NPEPPS: variants seen among roughly 807,000 people sequenced by gnomAD.
NPEPPS encodes the protein puromycin-sensitive aminopeptidase.
NPEPPS carries 14 observed loss-of-function variants against 115.5 expected under a neutral mutation model. That is an observed-to-expected ratio of 0.12 (90% confidence interval 0.08 to 0.19). The LOEUF is 0.19. Ranked by LOEUF, NPEPPS falls within the 10% of genes least tolerant of loss-of-function variation. The pLI is 1.00. For synonymous variants in NPEPPS, 285 were observed against 390.6 expected, an observed-to-expected ratio of 0.73 and a Z score of 3.19; for missense variants, 523 against 1,110.8, an observed-to-expected ratio of 0.47 and a Z score of 7.52.
chr17:47,548,943 G>A (rs1360906282), intron 2 of NPEPPS, among the ~76,000 whole-genome samples: 2 of 152,164 alleles, frequency 1.3e-5, no homozygotes, highest in Non-Finnish European at 2.9e-5. Context: ...TCTCACGGAA[G>A]CCCAGTTAGT....
intron 19 of NPEPPS, among the ~76,000 whole-genome samples, chr17:47,616,162 G>A (rs892449788): frequency 1.3e-5 from 2 of 152,100 alleles, no homozygotes; most frequent in African/African-American, 4.8e-5. Flanking sequence ...AGACCCAGAG[G>A]GATGAAGGAC....
chr17:47,559,786 G>A lies in NPEPPS; in HGVS notation c.341-9631G>A, dbSNP rs1345038310. The A allele has an allele frequency of 9.8e-6, 4 of 408,300 alleles. No homozygotes were observed. In the East Asian group the frequency reaches 2.8e-4, roughly 29 times the overall value. 25.3% of individuals were successfully genotyped at this position (408,300 alleles called of 1,614,324 possible). A position where few individuals can be genotyped will look rare whatever the true frequency, so the allele number is the denominator to read the frequency against. ...TTGTCTTGTCTTTTCTCTTCTAATA[G>A]AGATAGAGTCTCACTGTGCTACCTA... is the stretch of plus-strand genomic sequence containing the variant. On this transcript the variant is annotated intron_variant, in intron 2 of 22. Coordinates refer to ENST00000322157, the MANE Select transcript of NPEPPS (RefSeq NM_006310.4).
rs79264845 is a variant in NPEPPS, at chr17:47,599,137, C to T, written c.1537-539C>T. Among the ~76,000 whole-genome samples, 90 of 152,228 alleles carry T rather than the reference C, an allele frequency of 5.9e-4. 1 individual carries two copies. The East Asian group carries it at 0.017, about 29-fold the overall frequency. On this transcript the variant is annotated intron_variant, in intron 13 of 22. Coordinates refer to ENST00000322157, the MANE Select transcript of NPEPPS (RefSeq NM_006310.4). ...TTCCCCAAATTTAAATATTTTTGCTCTAATTCTGAATCAATGTAAAAGGTT... is the reference window on the plus strand; with the variant it reads ...TTCCCCAAATTTAAATATTTTTGCTTTAATTCTGAATCAATGTAAAAGGTT...
intron 1 of NPEPPS, among the ~76,000 whole-genome samples, chr17:47,540,394 T>A (rs1908661482): frequency 6.6e-6 from 1 of 152,106 alleles, no homozygotes; most frequent in South Asian, 2.1e-4. Context: ...TTATTACCTG[T>A]TTTTTTGATA....
At chr17:47,552,574 A>G (rs1909726658) in intron 2 of NPEPPS, among the ~76,000 whole-genome samples, 1 of 152,220 alleles carries the variant, frequency 6.6e-6, no homozygotes, top group South Asian at 2.1e-4. Flanking sequence ...TATACAAAGT[A>G]TATGAGTGTA....
rs766544766 is a variant in NPEPPS, at chr17:47,590,838, G to A, written c.1217G>A (p.Arg406His). ...WTQFVSADYT[R>H]AQELDALDNS... The stretch of plus-strand genomic sequence containing the variant: ...CAGTTTGTTTCTGCTGATTACACCC[G>A]TGCCCAGGAGCTTGACGCCTTAGAT... The change falls in exon 10 of 23, where the codon CGT becomes CAT. Residue 406 changes from arginine to histidine, a missense_variant. Arg to His is a conservative substitution (Grantham distance 29, BLOSUM62 0). Coordinates refer to ENST00000322157, the MANE Select transcript of NPEPPS (RefSeq NM_006310.4). The A allele has an allele frequency of 1.9e-5, 31 of 1,604,094 alleles. No homozygotes were observed. Among genetic ancestry groups the A allele is most frequent in the Non-Finnish European group, 2.6e-5 (30 of 1,172,894 alleles).
chr17:47,547,819 G>T (rs919344647), intron 2 of NPEPPS, among the ~76,000 whole-genome samples: 8 of 152,124 alleles, frequency 5.3e-5, no homozygotes, highest in Admixed American at 5.2e-4. Context: ...AAGGTCAGGA[G>T]ATCGAGACCA....
rs1290970149 is a variant in NPEPPS at position 47,585,601 on chromosome 17, G to A, written c.750G>A (p.Val250=). Residue 250 remains valine, a synonymous_variant, in exon 6 of 23, where the codon GTG becomes GTA. Coordinates refer to ENST00000322157, the MANE Select transcript of NPEPPS (RefSeq NM_006310.4). ...VMSTYLVAFV[V]GEYDFVETRS... ...CTACATATCTGGTGGCATTTGTTGT[G>A]GGTGAATATGACTTTGTAGAAACAA... is the stretch of plus-strand genomic sequence containing the variant. 1.2e-6 allele frequency: 2 copies of A among 1,613,780 alleles called. No homozygotes were observed. Among genetic ancestry groups the A allele is most frequent in the Non-Finnish European group, 1.7e-6 (2 of 1,179,824 alleles).
intron 2 of NPEPPS, among the ~76,000 whole-genome samples, chr17:47,564,353 G>C (rs562804993): frequency 6.6e-6 from 1 of 152,190 alleles, no homozygotes; most frequent in South Asian, 2.1e-4. Flanking sequence ...GGACAACATA[G>C]TGAGACCCTT....
rs182085880 is a variant in NPEPPS at position 47,595,428 on chromosome 17, T to A, written c.1427-925T>A. ...ACGGTCTTAAGTTTGTCAGTGATTG[T>A]TTAGTAGTGATCTTGAACACATTTC... On this transcript the variant is annotated intron_variant, in intron 12 of 22. Transcript: ENST00000322157. Among the ~76,000 whole-genome samples the A allele has an allele frequency of 7.8e-4, 119 of 152,340 alleles. 1 individual carries two copies. Among genetic ancestry groups the A allele is most frequent in the Non-Finnish European group, 3.2e-4 (22 of 68,028 alleles).
intron 5 of NPEPPS, among the ~76,000 whole-genome samples, chr17:47,584,384 A>G (rs1009360568): frequency 6.6e-6 from 1 of 152,158 alleles, no homozygotes; most frequent in African/African-American, 2.4e-5. Flanking sequence ...TATTGATCTC[A>G]TTCATGAACA....
At chr17:47,588,802 C>T (rs1318189695) in intron 9 of NPEPPS, among the ~76,000 whole-genome samples, 3 of 152,016 alleles carry the variant, frequency 2.0e-5, no homozygotes, top group Non-Finnish European at 4.4e-5. Flanking sequence ...TGTAACTATT[C>T]TAGTTATTAG....
At chr17:47,555,063 G>T (rs1909909270) in intron 2 of NPEPPS, among the ~76,000 whole-genome samples, 1 of 152,072 alleles carries the variant, frequency 6.6e-6, no homozygotes, top group Admixed American at 6.6e-5. Context: ...AGATAAGGGG[G>T]GACTTGTCAG....
intron 2 of NPEPPS, among the ~76,000 whole-genome samples, chr17:47,559,016 C>T (rs1484561804): frequency 1.4e-5 from 2 of 146,780 alleles, no homozygotes; most frequent in Non-Finnish European, 3.0e-5. Flanking sequence ...CCAGCCTGGA[C>T]AACAGAGCGA....
chr17:47,592,487 C>T lies in NPEPPS; in HGVS notation c.1368C>T (p.Asp456=), dbSNP rs1361617965. ...TTTTAAAAATTGTGTTTTCTCAGGA[C>T]TTTAAGAAAGGAATGAACATGTATT... The part of the protein sequence containing the change: ...RMLHDYIGDK[D]FKKGMNMYLT... Residue 456 remains aspartate (D), a splice_region_variant and synonymous_variant, in exon 12 of 23, where the codon GAC becomes GAT. Coordinates refer to ENST00000322157, the MANE Select transcript of NPEPPS (RefSeq NM_006310.4). The T allele has an allele frequency of 1.3e-6, 2 of 1,582,706 alleles. No individual in the cohort carries two copies. The highest frequency in any genetic ancestry group is 1.7e-6 in the Non-Finnish European group (2 of 1,163,200).
chr17:47,572,309 C>T (rs534527059), intron 3 of NPEPPS, among the ~76,000 whole-genome samples: 1 of 152,240 alleles, frequency 6.6e-6, no homozygotes, highest in Admixed American at 6.5e-5. Flanking sequence ...GATGTCTACT[C>T]ACATTTCATT....
At chr17:47,594,049 G>A (rs1394846660) in intron 12 of NPEPPS, among the ~76,000 whole-genome samples, 1 of 152,098 alleles carries the variant, frequency 6.6e-6, no homozygotes, top group Non-Finnish European at 1.5e-5. Context: ...CAGCTACTTG[G>A]GAGGCTGAGG....
At chr17:47,540,675 G>GT (rs1908688149) in intron 1 of NPEPPS, among the ~76,000 whole-genome samples, 1 of 152,178 alleles carries the variant, frequency 6.6e-6, no homozygotes, top group South Asian at 2.1e-4. Flanking sequence ...TTTATAAACT[G>GT]TTAGGTGAAT....
rs1914589234 is a variant in NPEPPS, at chr17:47,621,770, T to C, written c.2610T>C (p.Ala870=). 5 of 1,606,382 alleles carry C rather than the reference T, an allele frequency of 3.1e-6. No individual in the cohort carries two copies. Among genetic ancestry groups the C allele is most frequent in the Non-Finnish European group, 4.3e-6 (5 of 1,174,198 alleles). Residue 870 remains alanine, a splice_region_variant and synonymous_variant, in exon 23 of 23, where the codon GCT becomes GCC. Transcript: ENST00000322157. ...CATTCTGGGTTGTTTTATACCAGGCTTTCTTCGAGAGTCACCCAGCTCCTT... is the reference window on the plus strand; with the variant it reads ...CATTCTGGGTTGTTTTATACCAGGCCTTCTTCGAGAGTCACCCAGCTCCTT... ...AVDKMAGEVK[A]FFESHPAPSA... is the part of the protein sequence containing the mutation.
Sources: gnomAD v4.1 joint callset for allele counts (sites outside exome capture counted in the v4.1 genomes callset) on GRCh38, gnomAD v4.1.1 for gene constraint, MANE v1.5 for transcripts, NCBI Gene and HGNC (gene_info 2026-07-23, HGNC 2026-07-21) for gene names.